The following B4GALNT3 variants were observed in gnomAD, a reference collection of about 807,000 sequenced individuals.
The protein encoded by B4GALNT3 is beta-1,4-N-acetyl-galactosaminyltransferase 3, also known as beta-1,4-N-acetylgalactosaminyltransferase 3.
Under a neutral mutation model 120.2 loss-of-function variants are expected in B4GALNT3, and 86 were observed. The ratio of observed to expected loss-of-function variants is 0.72; its 90% CI spans 0.60 to 0.86. The LOEUF (loss-of-function observed/expected upper bound fraction) is 0.86. Ranked by LOEUF, B4GALNT3 falls within the 40% of genes least tolerant of loss-of-function variation. The pLI, the probability that B4GALNT3 is intolerant of heterozygous loss-of-function variation, is 0.00. For synonymous variants in B4GALNT3, 518 were observed against 510.4 expected, an observed-to-expected ratio of 1.01 and a Z score of -0.20; for missense variants, 1,167 against 1,298.9, an observed-to-expected ratio of 0.90 and a Z score of 1.56.
Position 558,002 on chromosome 12 carries a change from T to C in B4GALNT3, c.2535-14T>C, listed in dbSNP as rs1464504436. On this transcript the variant is annotated splice_polypyrimidine_tract_variant and intron_variant, in intron 16 of 19. Transcript: ENST00000266383. ...CTGAGTCCTGATACGCAGCCCTCTCTCCCCTTCCTGCAGCTACCAGTACGT... is the reference window on the plus strand; with the variant it reads ...CTGAGTCCTGATACGCAGCCCTCTCCCCCCTTCCTGCAGCTACCAGTACGT... 13 of 1,613,736 alleles carry C rather than the reference T, an allele frequency of 8.1e-6. No homozygotes were observed. The highest frequency in any genetic ancestry group is 1.1e-5 in the Non-Finnish European group (13 of 1,179,858).
intron 1 of B4GALNT3, among the ~76,000 whole-genome samples, chr12:500,136 T>G (rs1946424274): frequency 6.6e-6 from 1 of 150,640 alleles, no homozygotes; most frequent in Admixed American, 6.6e-5. Flanking sequence ...AGAAGCAGCT[T>G]TTTTTTTTAC....
rs1452757726 is a variant in B4GALNT3, at chr12:512,138, C to G, written c.170-23028C>G. 1.0e-4 allele frequency among the ~76,000 whole-genome samples: 9 copies of G among 88,824 alleles called. No homozygotes were observed. In the East Asian group the frequency reaches 1.1e-3, roughly 11 times the overall value. The allele number at this position is 88,824 out of a possible 152,430, so 58.3% of individuals were successfully genotyped here. ...TCCACCTTCGAGCTTCCACCTTCCA[C>G]CTTCCACCTTCCGCCTTCCGCCTTC... On this transcript the variant is annotated intron_variant, in intron 1 of 19. Transcript: ENST00000266383.
At chr12:480,417 C>G (rs561968635) in intron 1 of B4GALNT3, among the ~76,000 whole-genome samples, 2 of 151,952 alleles carry the variant, frequency 1.3e-5, no homozygotes, top group South Asian at 4.1e-4. Context: ...TCCGTAAACA[C>G]GGAAGGCTTG....
chr12:554,866 G>A (rs1947134603), intron 14 of B4GALNT3, among the ~76,000 whole-genome samples: 1 of 146,034 alleles, frequency 6.8e-6, no homozygotes, highest in South Asian at 2.2e-4. Flanking sequence ...ATTCCAGAAC[G>A]TTTTCATCAT....
intron 1 of B4GALNT3, among the ~76,000 whole-genome samples, chr12:478,856 A>G (rs1946209025): frequency 6.6e-6 from 1 of 152,226 alleles, no homozygotes; most frequent in African/African-American, 2.4e-5. Flanking sequence ...CTTCAGGATC[A>G]GAGGTTGCTA....
intron 1 of B4GALNT3, among the ~76,000 whole-genome samples, chr12:494,293 GAA>G (rs11412767): frequency 7.2e-6 from 1 of 139,696 alleles, no homozygotes; most frequent in Non-Finnish European, 1.5e-5. Context: ...TACCTTGAAA[GAA>G]AAAAAAAAAA....
intron 1 of B4GALNT3, among the ~76,000 whole-genome samples, chr12:484,689 T>A (rs1946273320): frequency 6.6e-6 from 1 of 151,730 alleles, no homozygotes; most frequent in Non-Finnish European, 1.5e-5. Context: ...ATGACCTGGA[T>A]GCCGCCTGGC....
At chr12:528,298 C>G (rs1408655547) in intron 1 of B4GALNT3, among the ~76,000 whole-genome samples, 1 of 152,094 alleles carries the variant, frequency 6.6e-6, no homozygotes, top group Non-Finnish European at 1.5e-5. Context: ...GCAGTCATGA[C>G]ACACTACAGC....
At chr12:547,803 G>A (rs1268018685) in intron 7 of B4GALNT3, among the ~76,000 whole-genome samples, 3 of 152,208 alleles carry the variant, frequency 2.0e-5, no homozygotes, top group Non-Finnish European at 4.4e-5. Context: ...ATCATCCTGT[G>A]GAGGAGGTAC....
chr12:513,604 T>C (rs897812551), intron 1 of B4GALNT3, among the ~76,000 whole-genome samples: 11 of 152,230 alleles, frequency 7.2e-5, no homozygotes, highest in Admixed American at 6.5e-4. Flanking sequence ...GACCTGTATC[T>C]TATGCCTCCT....
intron 1 of B4GALNT3, among the ~76,000 whole-genome samples, chr12:480,323 G>C (rs1461946794): frequency 6.6e-6 from 1 of 152,202 alleles, no homozygotes; most frequent in Non-Finnish European, 1.5e-5. Context: ...GATTCAGGCT[G>C]TGTGGGGTCC....
At chr12:464,924 A>G (rs539219234) in intron 1 of B4GALNT3, among the ~76,000 whole-genome samples, 8 of 152,288 alleles carry the variant, frequency 5.3e-5, no homozygotes, top group African/African-American at 1.9e-4. Flanking sequence ...AGCTCTGGCC[A>G]CCACAGCCGT....
At chr12:524,599 C>T (rs1434451536) in intron 1 of B4GALNT3, among the ~76,000 whole-genome samples, 1 of 139,160 alleles carries the variant, frequency 7.2e-6, no homozygotes, top group East Asian at 2.0e-4. Flanking sequence ...TTGCATTCAA[C>T]AAACAAAAGG....
chr12:520,703 A>G (rs938586099), intron 1 of B4GALNT3, among the ~76,000 whole-genome samples: 1 of 152,256 alleles, frequency 6.6e-6, no homozygotes, highest in Non-Finnish European at 1.5e-5. Flanking sequence ...AGGCAGGAGA[A>G]TCTCTTGAAC....
rs375351221 is a variant in B4GALNT3 at position 558,680 on chromosome 12, G to A, written c.2761+19G>A. ...CCTGAGGGTGAGCCCTGCTCAGACT[G>A]GGGAGGGAGGAAAGACTTCTCTGAT... On this transcript the variant is annotated intron_variant, in intron 18 of 19. Transcript: ENST00000266383. The A allele has an allele frequency of 3.1e-6, 5 of 1,611,242 alleles. No individual in the cohort carries two copies. Among genetic ancestry groups the A allele is most frequent in the African/African-American group, 2.7e-5 (2 of 74,876 alleles).
chr12:529,199 C>T (rs1453791869), intron 1 of B4GALNT3, among the ~76,000 whole-genome samples: 1 of 152,180 alleles, frequency 6.6e-6, no homozygotes, highest in African/African-American at 2.4e-5. Context: ...CCGCATCTCC[C>T]CCTGTAGGTG....
At chr12:523,199 C>T (rs2120627756) in intron 1 of B4GALNT3, among the ~76,000 whole-genome samples, 1 of 152,186 alleles carries the variant, frequency 6.6e-6, no homozygotes, top group East Asian at 1.9e-4. Flanking sequence ...TCACTCAGTC[C>T]CTAGCCCAGA....
chr12:503,438 C>G (rs1407306346), intron 1 of B4GALNT3, among the ~76,000 whole-genome samples: 1 of 152,202 alleles, frequency 6.6e-6, no homozygotes, highest in Admixed American at 6.5e-5. Context: ...CATCAGCTGT[C>G]AAATCCTCCG....
At position 559,358 on chromosome 12, in the gene B4GALNT3, G is replaced by A. The variant is rs753133618; in HGVS notation, c.2825G>A (p.Gly942Glu). ...TACAAGTCTGACCTGGACAGGATTGGGGGCATGAACACCAAGGAGTTCCGA... is the reference window on the plus strand; with the variant it reads ...TACAAGTCTGACCTGGACAGGATTGAGGGCATGAACACCAAGGAGTTCCGA... ...GIYKSDLDRI[G>E]GMNTKEFRDR... The change falls in exon 19 of 20, where the codon GGG (glycine) becomes GAG (glutamate). Residue 942 changes from glycine to glutamate, a missense_variant. Physicochemically the swap from Gly to Glu is moderately conservative, Grantham distance 98 (BLOSUM62 -2). Around this residue, in one of 3 missense-constraint regions of B4GALNT3, gnomAD observed 983 missense variants for 1,102.5 expected, o/e 0.89. Coordinates refer to ENST00000266383, the MANE Select transcript of B4GALNT3 (RefSeq NM_173593.4). 1.2e-6 allele frequency: 2 copies of A among 1,613,930 alleles called. No individual in the cohort carries two copies. Among genetic ancestry groups the A allele is most frequent in the Admixed American group, 3.3e-5 (2 of 59,984 alleles).
Sources: allele counts gnomAD v4.1 joint callset (sites outside exome capture counted in the v4.1 genomes callset), GRCh38; gene constraint gnomAD v4.1.1; regional missense constraint gnomAD v4.1.1; transcripts MANE v1.5; gene names NCBI Gene and HGNC (gene_info 2026-07-23, HGNC 2026-07-21).